MAP3K7: variants seen among roughly 807,000 people sequenced by gnomAD.
MAP3K7 encodes TGF-beta activated kinase 1.
A neutral mutation model predicts 84.8 loss-of-function variants in MAP3K7; 21 were observed. The observed-to-expected ratio is 0.25, with a 90% CI of 0.18 to 0.36. The LOEUF is 0.36. MAP3K7 is among the 10% of genes least tolerant of loss of function. MAP3K7 has a pLI of 1.00. For missense variants in MAP3K7, 503 were observed against 747.7 expected (o/e 0.67, Z 3.82); for synonymous variants, 241 against 247.7 (o/e 0.97, Z 0.25).
chr6:90,517,789 G>T (rs1775015579), intron 16 of MAP3K7, among the ~76,000 whole-genome samples: 2 of 151,532 alleles, frequency 1.3e-5, no homozygotes, highest in Non-Finnish European at 3.0e-5. Context: ...CATTTATTTA[G>T]ATTAAAATTA....
chr6:90,562,358 T>C (rs1013558269), intron 3 of MAP3K7, among the ~76,000 whole-genome samples: 2 of 152,024 alleles, frequency 1.3e-5, no homozygotes, highest in Admixed American at 6.6e-5. Context: ...ACCTGGAAAA[T>C]TGGAACACTC....
At chr6:90,542,040 G>A (rs2127968415) in intron 12 of MAP3K7, among the ~76,000 whole-genome samples, 1 of 152,060 alleles carries the variant, frequency 6.6e-6, no homozygotes. Context: ...GGGTTTTAAT[G>A]CTAATTAAAC....
intron 2 of MAP3K7, 78 bp downstream of exon 2, chr6:90,571,619 C>A (rs1490688116): frequency 3.8e-5 from 31 of 808,694 alleles, no homozygotes; most frequent in Non-Finnish European, 5.5e-5. Flanking sequence ...ATCTGAGAAA[C>A]CAATCTTTTT....
chr6:90,539,854 A>T (rs1775800584), intron 12 of MAP3K7, among the ~76,000 whole-genome samples: 1 of 151,842 alleles, frequency 6.6e-6, no homozygotes, highest in Non-Finnish European at 1.5e-5. Flanking sequence ...CTAACTACTC[A>T]TCTATTTTTC....
chr6:90,583,061 T>A (rs1019260533), intron 1 of MAP3K7, among the ~76,000 whole-genome samples: 22 of 152,040 alleles, frequency 1.4e-4, no homozygotes, highest in African/African-American at 5.3e-4. Context: ...TTTTGTACTT[T>A]CAGTAGTGAC....
Position 90,550,539 on chromosome 6 carries a change from C to T in MAP3K7, c.878G>A (p.Gly293Glu), listed in dbSNP as rs755212534. ...AGGATACTGTAATGGCTCATCTGCT[C>T]CTGGAAAGTACTATATATAAAAAAG... ...IMTHLMRYFP[G>E]ADEPLQYPCQ... The change falls in exon 9 of 17, where the codon GGA becomes GAA. Residue 293 changes from glycine to glutamate, a missense_variant. Around this residue, in one of 5 missense-constraint regions of MAP3K7, gnomAD observed 286 missense variants for 313.6 expected, o/e 0.91. Coordinates refer to ENST00000369329, the MANE Select transcript of MAP3K7 (RefSeq NM_145331.3). 8.7e-6 allele frequency: 14 copies of T among 1,606,578 alleles called. No individual in the cohort carries two copies. The South Asian group carries it at 1.2e-4, about 14-fold the overall frequency.
chr6:90,547,225 T>C (rs770968656), intron 11 of MAP3K7, 33 bp downstream of exon 11: 2 of 1,611,700 alleles, frequency 1.2e-6, no homozygotes, highest in African/African-American at 1.3e-5. Flanking sequence ...CTTATATACA[T>C]TTTCACTCTT....
intron 1 of MAP3K7, among the ~76,000 whole-genome samples, chr6:90,580,515 C>T (rs1438248894): frequency 2.0e-5 from 3 of 152,154 alleles, no homozygotes; most frequent in African/African-American, 7.2e-5. Flanking sequence ...GAGACAGGGT[C>T]TCACTATGTT....
rs200106544 is a variant in MAP3K7 at position 90,516,669 on chromosome 6, A to C, written c.1653T>G (p.Val551=). The change falls in exon 17 of 17, where the codon GTT becomes GTG. Residue 551 remains valine, a synonymous_variant. Transcript: ENST00000369329. ...ALLLQRKQEL[V]AELDQDEKDQ... ...CCTTTTCATCCTGGTCCAGTTCTGC[A>C]ACTAGTTCTTGCCTACAAACAAATA... is the stretch of plus-strand genomic sequence containing the variant. The C allele has an allele frequency of 5.0e-6, 8 of 1,600,238 alleles. No individual in the cohort carries two copies. Among genetic ancestry groups the C allele is most frequent in the Non-Finnish European group, 6.8e-6 (8 of 1,175,790 alleles).
chr6:90,547,391 T>C lies in MAP3K7; in HGVS notation c.1081-4A>G, dbSNP rs1193221095. 6.2e-7 allele frequency: 1 copy of C among 1,608,478 alleles called. No homozygotes were observed. The highest frequency in any genetic ancestry group is 1.3e-5 in the African/African-American group (1 of 74,336). On this transcript the variant is annotated splice_polypyrimidine_tract_variant and splice_region_variant and intron_variant, in intron 10 of 16. Coordinates refer to ENST00000369329, the MANE Select transcript of MAP3K7 (RefSeq NM_145331.3). Reference sequence around the variant, plus strand: ...AGCTTAAACGTCCAGATTCACTCTGTTAAAATTACAGGTCAATCTGAATTA... The same window carrying C: ...AGCTTAAACGTCCAGATTCACTCTGCTAAAATTACAGGTCAATCTGAATTA...
chr6:90,538,647 T>C (rs1158889979), intron 12 of MAP3K7, among the ~76,000 whole-genome samples: 1 of 151,928 alleles, frequency 6.6e-6, no homozygotes, highest in East Asian at 1.9e-4. Context: ...TCTGCACTCC[T>C]GCCCACCGCA....
chr6:90,552,824 T>C (rs1200442038), intron 7 of MAP3K7, among the ~76,000 whole-genome samples: 1 of 152,242 alleles, frequency 6.6e-6, no homozygotes, highest in African/African-American at 2.4e-5. Flanking sequence ...ATTGAGTCCA[T>C]AAGTCAATAT....
At position 90,552,199 on chromosome 6, in the gene MAP3K7, G is replaced by C; in HGVS notation, c.737-20C>G. The C allele has an allele frequency of 1.3e-6, 2 of 1,582,248 alleles. No individual in the cohort carries two copies. Among genetic ancestry groups the C allele is most frequent in the Non-Finnish European group, 1.7e-6 (2 of 1,155,348 alleles). ...GAGTACCTACAATTGAAAATGAGAG[G>C]AAGGGGGGAAGAATGTATTTACCCA... is the stretch of plus-strand genomic sequence containing the variant. On this transcript the variant is annotated intron_variant, in intron 7 of 16. Coordinates refer to ENST00000369329, the MANE Select transcript of MAP3K7 (RefSeq NM_145331.3).
intron 4 of MAP3K7, among the ~76,000 whole-genome samples, chr6:90,560,440 T>G (rs548118439): frequency 6.6e-6 from 1 of 152,260 alleles, no homozygotes; most frequent in East Asian, 1.9e-4. Context: ...TGGCTCACTG[T>G]AAACTCCACC....
intron 12 of MAP3K7, among the ~76,000 whole-genome samples, chr6:90,540,713 GAAC>G (rs1775829476): frequency 6.6e-6 from 1 of 151,844 alleles, no homozygotes; most frequent in Non-Finnish European, 1.5e-5. Context: ...CTCCAGAGCA[GAAC>G]AACCCATCTT....
At chr6:90,553,689 A>G in intron 6 of MAP3K7, 103 bp from the exon 7 acceptor site, 1 of 906,972 alleles carries the variant, frequency 1.1e-6, no homozygotes, top group Non-Finnish European at 1.7e-6. Context: ...GATAAAAATG[A>G]GGCTGTCACA....
rs1775828882 is a variant in MAP3K7 at position 90,540,689 on chromosome 6, T to C, written c.1291+3863A>G. On this transcript the variant is annotated intron_variant, in intron 12 of 16. Transcript: ENST00000369329. ...AGTTTATTTCCTTAAATGCTATAAC[T>C]ACTCACACAAAGGCTCCAGAGCAGA... Among the ~76,000 whole-genome samples the C allele has an allele frequency of 2.0e-5, 3 of 151,918 alleles. No individual in the cohort carries two copies. In the South Asian group the frequency reaches 6.2e-4, roughly 31 times the overall value.
At chr6:90,539,090 C>T (rs1195877132) in intron 12 of MAP3K7, among the ~76,000 whole-genome samples, 1 of 151,868 alleles carries the variant, frequency 6.6e-6, no homozygotes, top group African/African-American at 2.4e-5. Context: ...CATTACATTA[C>T]TGCTTCATGG....
chr6:90,586,158 G>T (rs1030830768), intron 1 of MAP3K7, among the ~76,000 whole-genome samples: 5 of 151,770 alleles, frequency 3.3e-5, no homozygotes, highest in Non-Finnish European at 5.9e-5. Flanking sequence ...GGATCATGAG[G>T]TCAGGAGATC....
Sources: gnomAD v4.1 joint callset for allele counts (sites outside exome capture counted in the v4.1 genomes callset) on GRCh38, gnomAD v4.1.1 for gene constraint, gnomAD v4.1.1 regional missense constraint, MANE v1.5 for transcripts, NCBI Gene and HGNC (gene_info 2026-07-23, HGNC 2026-07-21) for gene names.